Variants in UTP25 observed in about 807,000 individuals in gnomAD.
UTP25 encodes the protein U3 small nucleolar RNA-associated protein 25 homolog.
Under a neutral mutation model 78.9 loss-of-function variants are expected in UTP25, and 50 were observed. The observed-to-expected ratio is 0.63, with a 90% CI of 0.50 to 0.80. UTP25 has a LOEUF of 0.80. UTP25 is among the 30% of genes least tolerant of loss of function. UTP25 has a pLI of 0.00. For synonymous variants in UTP25, 329 were observed against 336.5 expected, an observed-to-expected ratio of 0.98 and a Z score of 0.24; for missense variants, 846 against 911.3, an observed-to-expected ratio of 0.93 and a Z score of 0.92.
In UTP25 at chr1:209,852,079, C is replaced by T. The variant is rs865790134; in HGVS notation, c.*632C>T. ...TTAAAATCACGTTATTTAAAAAACA[C>T]ATCAGCTCTGTCTCAAGAAGTAATT... On this transcript the variant is annotated 3_prime_UTR_variant, in exon 12 of 12. Transcript: ENST00000491415. 1.3e-5 allele frequency: 2 copies of T among 152,202 alleles called. No individual in the cohort carries two copies. The highest frequency in any genetic ancestry group is 2.1e-4 in the South Asian group (1 of 4,822). The allele number at this position is 152,202 out of a possible 1,614,324, so 9.4% of individuals were successfully genotyped here. A position where few individuals can be genotyped will look rare whatever the true frequency, so the allele number is the denominator to read the frequency against.
At chr1:209,841,330 A>G (rs2102576283) in intron 8 of UTP25, among the ~76,000 whole-genome samples, 1 of 152,260 alleles carries the variant, frequency 6.6e-6, no homozygotes, top group African/African-American at 2.4e-5. Flanking sequence ...TCTTTCTACT[A>G]ACTTTAGGGT....
chr1:209,836,774 T>G, intron 5 of UTP25, 27 bp from the exon 6 acceptor site: 13 of 1,554,942 alleles, frequency 8.4e-6, no homozygotes, highest in Non-Finnish European at 1.0e-5. Flanking sequence ...CATTTCTAAT[T>G]TGGCTCTTGA....
intron 6 of UTP25, 136 bp from the exon 7 acceptor site, chr1:209,838,773 G>C (rs1156977144): frequency 4.2e-6 from 4 of 949,706 alleles, no homozygotes; most frequent in Non-Finnish European, 6.7e-6. Flanking sequence ...GCGCAAAGCG[G>C]GTAACATAGG....
chr1:209,845,806 ATTT>A (rs35300844), intron 11 of UTP25, among the ~76,000 whole-genome samples: 1 of 144,682 alleles, frequency 6.9e-6, no homozygotes, highest in Non-Finnish European at 1.5e-5. Flanking sequence ...TGCCTTTGTG[ATTT>A]TTTTTTTTTT....
In UTP25 at chr1:209,839,011, A is replaced by G. The variant is rs1191536854; in HGVS notation, c.1165A>G (p.Lys389Glu). Residue 389 changes from lysine (K) to glutamate (E), a missense_variant, in exon 7 of 12, where the codon AAA becomes GAA. Transcript: ENST00000491415. ...CAAGAAGAAAATCATTGTGAGCAAC[A>G]AAAAGAGGTTTCAGGGAGAATATGG... Reference protein sequence around the residue: ...DSKKKIIVSNKKRFQGEYGSD... With the variant: ...DSKKKIIVSNEKRFQGEYGSD... The G allele has an allele frequency of 1.2e-6, 2 of 1,614,016 alleles. No individual in the cohort carries two copies. The highest frequency in any genetic ancestry group is 2.7e-5 in the African/African-American group (2 of 74,906).
rs41274842 is a variant in UTP25, at chr1:209,838,764, C to T, written c.1063-145C>T. On this transcript the variant is annotated intron_variant, in intron 6 of 11. Coordinates refer to ENST00000491415, the MANE Select transcript of UTP25 (RefSeq NM_014388.7). ...GTTTCTGGTGTTGAGCCAAGCCCTG[C>T]GCAAAGCGGGTAACATAGGTATGTT... is the stretch of plus-strand genomic sequence containing the variant. The T allele has an allele frequency of 6.9e-3, 6,097 of 888,002 alleles. 47 individuals carry two copies. The highest frequency in any genetic ancestry group is 8.6e-3 in the Non-Finnish European group (4,687 of 545,674). The allele number at this position is 888,002 out of a possible 1,614,324, so 55.0% of individuals were successfully genotyped here.
At position 209,830,931 on chromosome 1, in the gene UTP25, G is replaced by T. The variant is rs1192295230; in HGVS notation, c.276G>T (p.Glu92Asp). Residue 92 changes from glutamate (E) to aspartate (D), a missense_variant, in exon 3 of 12, where the codon GAG becomes GAT. By Grantham distance (45) the Glu-to-Asp change is conservative. Transcript: ENST00000491415. ...VSEEEEEDEE[E>D]EEEEDSIVDD... ...AGGAAGAAGAGGAAGATGAGGAGGA[G>T]GAAGAGGAAGAAGACAGTATTGTAG... 6.2e-7 allele frequency: 1 copy of T among 1,613,610 alleles called. No individual in the cohort carries two copies. The highest frequency in any genetic ancestry group is 2.2e-5 in the East Asian group (1 of 44,868).
At chr1:209,836,756 C>G (rs767337332) in intron 5 of UTP25, 45 bp from the exon 6 acceptor site, 2 of 1,536,710 alleles carry the variant, frequency 1.3e-6, no homozygotes, top group Non-Finnish European at 1.7e-6. Flanking sequence ...ATGTAATTTA[C>G]TGTTATTCAT....
At chr1:209,834,356 G>A (rs1424501599) in intron 4 of UTP25, among the ~76,000 whole-genome samples, 2 of 152,212 alleles carry the variant, frequency 1.3e-5, no homozygotes, top group African/African-American at 4.8e-5. Context: ...GGGACTGGGA[G>A]AGAAGGTTGG....
chr1:209,851,388 G>A lies in UTP25; in HGVS notation c.2212G>A (p.Ala738Thr). Reference sequence around the variant, plus strand: ...AGCTGCCGTGGTTGGTGTGGAGCGGGCGGCACAGATGCTACAGTCCAACAA... The same window carrying A: ...AGCTGCCGTGGTTGGTGTGGAGCGGACGGCACAGATGCTACAGTCCAACAA... The part of the protein sequence containing the change: ...RLAAVVGVER[A>T]AQMLQSNKNV... The change falls in exon 12 of 12, where the codon GCG becomes ACG. Residue 738 changes from alanine (A) to threonine (T), a missense_variant. Physicochemically the swap from Ala to Thr is moderately conservative, Grantham distance 58. Coordinates refer to ENST00000491415, the MANE Select transcript of UTP25 (RefSeq NM_014388.7). 6.2e-7 allele frequency: 1 copy of A among 1,614,106 alleles called. No individual in the cohort carries two copies. Among genetic ancestry groups the A allele is most frequent in the Non-Finnish European group, 8.5e-7 (1 of 1,180,018 alleles).
chr1:209,828,475 C>T (rs1471583402), intron 1 of UTP25, among the ~76,000 whole-genome samples: 1 of 150,880 alleles, frequency 6.6e-6, no homozygotes, highest in Non-Finnish European at 1.5e-5. Context: ...TCTTGGCTCA[C>T]TGCAACCTCT....
At chr1:209,848,382 T>A (rs1214430355) in intron 11 of UTP25, among the ~76,000 whole-genome samples, 1 of 152,230 alleles carries the variant, frequency 6.6e-6, no homozygotes, top group Non-Finnish European at 1.5e-5. Context: ...AAGTAACGTG[T>A]GAGGTAAACA....
chr1:209,855,516 G>C lies in UTP25; in HGVS notation c.*4069G>C, dbSNP rs569391072. 1 of 152,296 alleles carries C rather than the reference G, an allele frequency of 6.6e-6. No individual in the cohort carries two copies. Among genetic ancestry groups the C allele is most frequent in the Non-Finnish European group, 1.5e-5 (1 of 68,070 alleles). The allele number at this position is 152,296 out of a possible 1,614,324, so 9.4% of individuals were successfully genotyped here. A position where few individuals can be genotyped will look rare whatever the true frequency, so the allele number is the denominator to read the frequency against. The stretch of plus-strand genomic sequence containing the variant: ...GCTCAAAAGGAGTGAGGACAGGTAT[G>C]TGACTGCCATAAGGAGCTGTTTGCT... On this transcript the variant is annotated 3_prime_UTR_variant, in exon 12 of 12. Coordinates refer to ENST00000491415, the MANE Select transcript of UTP25 (RefSeq NM_014388.7).
chr1:209,840,631 C>A (rs553775577), intron 7 of UTP25, among the ~76,000 whole-genome samples: 1 of 151,968 alleles, frequency 6.6e-6, no homozygotes, highest in Non-Finnish European at 1.5e-5. Context: ...TTGATAGTGA[C>A]GGAAAGGAAG....
At chr1:209,844,936 A>ACTTTACTG (rs1317231699) in intron 11 of UTP25, among the ~76,000 whole-genome samples, 1 of 152,150 alleles carries the variant, frequency 6.6e-6, no homozygotes, top group Non-Finnish European at 1.5e-5. Context: ...TTAAGTTCTG[A>ACTTTACTG]CTTTACTGTT....
chr1:209,835,741 G>A (rs1162356406), intron 5 of UTP25, among the ~76,000 whole-genome samples: 1 of 152,020 alleles, frequency 6.6e-6, no homozygotes, highest in Non-Finnish European at 1.5e-5. Context: ...AGATATACAT[G>A]CAGTTGTAAG....
At chr1:209,850,900 T>G (rs1033349856) in intron 11 of UTP25, among the ~76,000 whole-genome samples, 1 of 152,246 alleles carries the variant, frequency 6.6e-6, no homozygotes, top group South Asian at 2.1e-4. Flanking sequence ...GACAGATTTT[T>G]AAATCCTGGT....
chr1:209,833,812 C>T (rs2078116929), intron 4 of UTP25, among the ~76,000 whole-genome samples: 1 of 152,214 alleles, frequency 6.6e-6, no homozygotes, highest in South Asian at 2.1e-4. Context: ...TACCCTGTGT[C>T]TCCTGCCTCC....
chr1:209,832,699 A>G (rs1270627627), intron 3 of UTP25, among the ~76,000 whole-genome samples: 1 of 152,176 alleles, frequency 6.6e-6, no homozygotes, highest in Admixed American at 6.5e-5. Context: ...CCTGGCCAAC[A>G]TGGCGAAACC....
Sources: allele counts gnomAD v4.1 joint callset (sites outside exome capture counted in the v4.1 genomes callset), GRCh38; gene constraint gnomAD v4.1.1; transcripts MANE v1.5; gene names NCBI Gene and HGNC (gene_info 2026-07-23, HGNC 2026-07-21).